Variants in SLC35H1 observed in about 807,000 individuals in gnomAD.
The protein encoded by SLC35H1 is solute carrier family 35 member H1.
At chr20:46,355,048 T>G in the SLC35H1 span, 4 of 1,613,812 alleles carry the variant, frequency 2.5e-6, no homozygotes, top group East Asian at 6.7e-5. The surrounding 1 kb of genome is among the most constrained non-coding windows in gnomAD (Gnocchi z 4.8). Flanking sequence ...TTCCTCTCTC[T>G]GGAGGATGAG....
At chr20:46,350,551 C>G in the SLC35H1 span, 16 of 1,562,604 alleles carry the variant, frequency 1.0e-5, no homozygotes, top group East Asian at 6.8e-5. Flanking sequence ...ACCACAGTTA[C>G]AGGCCCAGTC....
At chr20:46,348,767 G>A in the SLC35H1 span, 1 of 152,236 alleles carries the variant, frequency 6.6e-6, no homozygotes, top group African/African-American at 2.4e-5. Context: ...TTCTCCTGCT[G>A]GTAAACTTCA....
the SLC35H1 span, chr20:46,357,713 C>A: frequency 6.2e-7 from 1 of 1,614,030 alleles, no homozygotes; most frequent in Non-Finnish European, 8.5e-7. Flanking sequence ...CTGGACAGGG[C>A]GGAGAAGAGG....
the SLC35H1 span, chr20:46,350,523 A>G: frequency 1.3e-6 from 2 of 1,590,256 alleles, no homozygotes; most frequent in Non-Finnish European, 1.7e-6. Flanking sequence ...GGCCACCATC[A>G]CCTTGGGATA....
At chr20:46,354,981 C>A in the SLC35H1 span, 1 of 1,613,894 alleles carries the variant, frequency 6.2e-7, no homozygotes, top group Non-Finnish European at 8.5e-7. Flanking sequence ...GGGCGGGGGA[C>A]AGGCACCATC....
At chr20:46,350,739 T>C in the SLC35H1 span, 2 of 1,612,190 alleles carry the variant, frequency 1.2e-6, no homozygotes, top group Non-Finnish European at 8.5e-7. Context: ...AACAGAGGCT[T>C]CTGGAAGGGA....
chr20:46,362,684 C>T, the SLC35H1 span, among the ~76,000 whole-genome samples: 1 of 152,226 alleles, frequency 6.6e-6, no homozygotes, highest in Admixed American at 6.5e-5. Flanking sequence ...ACTCCTTCAC[C>T]CCCTGCTCTC....
the SLC35H1 span, chr20:46,346,075 G>C: frequency 6.6e-6 from 1 of 152,288 alleles, no homozygotes; most frequent in South Asian, 2.1e-4. Context: ...AACACTGATG[G>C]AATGCATTTG....
chr20:46,351,636 C>T, the SLC35H1 span, among the ~76,000 whole-genome samples: 1 of 152,238 alleles, frequency 6.6e-6, no homozygotes, highest in Non-Finnish European at 1.5e-5. Context: ...TGGAGGACAC[C>T]GCCAGTCAAT....
chr20:46,361,633 C>A, the SLC35H1 span, among the ~76,000 whole-genome samples: 2 of 152,318 alleles, frequency 1.3e-5, no homozygotes, highest in Non-Finnish European at 2.9e-5. Flanking sequence ...GGATGTTTAG[C>A]AACATCCCTG....
chr20:46,350,889 T>A, the SLC35H1 span: 1 of 1,613,754 alleles, frequency 6.2e-7, no homozygotes, highest in Non-Finnish European at 8.5e-7. Context: ...AGTGCAGACT[T>A]CCTGGGGGCA....
the SLC35H1 span, among the ~76,000 whole-genome samples, chr20:46,353,734 T>C: frequency 3.5e-4 from 53 of 152,204 alleles, no homozygotes; most frequent in East Asian, 9.7e-3. Flanking sequence ...AAGTGACGAC[T>C]ACCAGGGGCT....
the SLC35H1 span, chr20:46,352,372 A>C: frequency 1.4e-6 from 1 of 724,318 alleles, no homozygotes; most frequent in African/African-American, 1.8e-5. Context: ...AAAGCATGGA[A>C]GGTATAAAGT....
chr20:46,359,763 C>G, the SLC35H1 span, among the ~76,000 whole-genome samples: 83 of 152,208 alleles, frequency 5.5e-4, 1 homozygote, highest in Non-Finnish European at 1.0e-3. Flanking sequence ...GGGTGCCCCC[C>G]TCAACCACAG....
the SLC35H1 span, chr20:46,355,340 CT>C: frequency 7.4e-7 from 1 of 1,358,528 alleles, no homozygotes; most frequent in Non-Finnish European, 1.0e-6. This position sits in a 1 kb window ranked among gnomAD's most constrained non-coding sequence, Gnocchi z 4.8. Context: ...TTGGCTGCCC[CT>C]GGGGCAAGAA....
At chr20:46,364,079 C>T in the SLC35H1 span, 1 of 152,334 alleles carries the variant, frequency 6.6e-6, no homozygotes, top group Non-Finnish European at 1.5e-5. Flanking sequence ...GGGAAGCAGC[C>T]CCTCAGAGGG....
the SLC35H1 span, among the ~76,000 whole-genome samples, chr20:46,360,604 G>C: frequency 6.6e-6 from 1 of 152,012 alleles, no homozygotes; most frequent in Middle Eastern, 3.4e-3. Context: ...GAGTGCAATG[G>C]TATAATCTCG....
the SLC35H1 span, chr20:46,350,302 A>G: frequency 2.7e-6 from 4 of 1,465,236 alleles, no homozygotes; most frequent in Non-Finnish European, 3.7e-6. Flanking sequence ...CACAGCTCCC[A>G]GCTACCATGA....
At chr20:46,349,597 A>T in the SLC35H1 span, 1 of 152,524 alleles carries the variant, frequency 6.6e-6, no homozygotes, top group Non-Finnish European at 1.5e-5. Flanking sequence ...GGACTCTGAG[A>T]TAGACATTAT....
Sources: allele counts gnomAD v4.1 joint callset (sites outside exome capture counted in the v4.1 genomes callset), GRCh38; gene constraint gnomAD v4.1.1; non-coding constraint Gnocchi (gnomAD v3.1); transcripts MANE v1.5; gene names NCBI Gene and HGNC (gene_info 2026-07-23, HGNC 2026-07-21).